Variants in MBD2 observed in about 807,000 individuals in gnomAD.
The protein encoded by MBD2 is methyl-CpG binding domain protein 2.
Under a neutral mutation model 39.3 loss-of-function variants are expected in MBD2, and 9 were observed. That is an observed-to-expected ratio of 0.23 (90% CI 0.14 to 0.40). MBD2 has a LOEUF of 0.40. MBD2 is among the 10% of genes least tolerant of loss of function. The pLI is 1.00. For missense variants in MBD2, 458 were observed against 532.6 expected, an observed-to-expected ratio of 0.86 and a Z score of 1.38; for synonymous variants, 233 against 211.1, an observed-to-expected ratio of 1.10 and a Z score of -0.90.
chr18:54,204,881 T>TG, intron 2 of MBD2, 117 bp downstream of exon 2: 1 of 902,148 alleles, frequency 1.1e-6, no homozygotes, highest in African/African-American at 1.7e-5. Flanking sequence ...GGGCAGGGTA[T>TG]GGGGACATGC....
chr18:54,173,161 G>A (rs949659823), intron 3 of MBD2, among the ~76,000 whole-genome samples: 10 of 152,098 alleles, frequency 6.6e-5, no homozygotes, highest in East Asian at 5.8e-4. Context: ...TTGCTACTAC[G>A]AATATTTTAA....
chr18:54,205,282 T>TA (rs1417822784), intron 1 of MBD2, 125 bp from the exon 2 acceptor site: 5 of 955,070 alleles, frequency 5.2e-6, no homozygotes, highest in African/African-American at 3.3e-5. Flanking sequence ...AAAGAAATGT[T>TA]AAAGTTTTGC....
chr18:54,218,418 AT>A (rs2086580323), intron 1 of MBD2, among the ~76,000 whole-genome samples: 1 of 152,238 alleles, frequency 6.6e-6, no homozygotes, highest in Non-Finnish European at 1.5e-5. Flanking sequence ...AAATAATCAC[AT>A]TATCTCAATG....
chr18:54,176,924 C>T (rs1384992273), intron 3 of MBD2, among the ~76,000 whole-genome samples: 1 of 152,138 alleles, frequency 6.6e-6, no homozygotes, highest in Non-Finnish European at 1.5e-5. Flanking sequence ...AACCAAAGGG[C>T]AAATTTTAGG....
At chr18:54,215,489 A>ATTTTTTTTTTT (rs1322093635) in intron 1 of MBD2, among the ~76,000 whole-genome samples, 1 of 139,302 alleles carries the variant, frequency 7.2e-6, no homozygotes, top group African/African-American at 2.7e-5. Context: ...CTGAGGATAG[A>ATTTTTTTTTTT]TTTTTTTTTT....
intron 1 of MBD2, among the ~76,000 whole-genome samples, chr18:54,216,688 T>C (rs2086564430): frequency 1.3e-5 from 2 of 152,110 alleles, no homozygotes; most frequent in African/African-American, 4.8e-5. Flanking sequence ...AGGACACGCA[T>C]CCTTGCTTAT....
Position 54,166,131 on chromosome 18 carries a change from T to G in MBD2, c.876A>C (p.Ala292=). ...FWEKRLQGLS[A]SDVTEQIIKT... ...TTATAATTTGTTCTGTTACATCTGA[T>G]GCACTAAGTCCTTGTAGCCTCTTCT... Residue 292 remains alanine (A), a synonymous_variant, in exon 4 of 7, where the codon GCA becomes GCC. Coordinates refer to ENST00000256429, the MANE Select transcript of MBD2 (RefSeq NM_003927.5). 1 of 1,613,926 alleles carries G rather than the reference T, an allele frequency of 6.2e-7. No homozygotes were observed. Among genetic ancestry groups the G allele is most frequent in the Non-Finnish European group, 8.5e-7 (1 of 1,179,816 alleles).
At chr18:54,175,621 C>T (rs2086206727) in intron 3 of MBD2, among the ~76,000 whole-genome samples, 1 of 152,208 alleles carries the variant, frequency 6.6e-6, no homozygotes, top group Non-Finnish European at 1.5e-5. Context: ...GCTTCCCCCT[C>T]AAGCCATCTT....
intron 6 of MBD2, 98 bp downstream of exon 6, chr18:54,159,667 C>T: frequency 7.1e-7 from 1 of 1,405,318 alleles, no homozygotes. Context: ...GATCGCCCGC[C>T]TCAGCCACCC....
rs761752766 is a variant in MBD2, at chr18:54,159,882, C to A, written c.1131G>T (p.Gln377His). Residue 377 changes from glutamine to histidine, a missense_variant, in exon 6 of 7, where the codon CAG becomes CAT. Coordinates refer to ENST00000256429, the MANE Select transcript of MBD2 (RefSeq NM_003927.5). ...EDIRKQEERV[Q>H]QVRKKLEEAL... ...CTTCTTCCAATTTCTTGCGTACTTG[C>A]TGTACTCGCTCTTCCTGTTTCCTTT... is the stretch of plus-strand genomic sequence containing the variant. 30 of 1,612,476 alleles carry A rather than the reference C, an allele frequency of 1.9e-5. No homozygotes were observed. In the South Asian group the frequency reaches 3.3e-4, roughly 18 times the overall value.
At chr18:54,188,801 A>G in intron 3 of MBD2, 73 bp downstream of exon 3, 1 of 1,465,522 alleles carries the variant, frequency 6.8e-7, no homozygotes, top group Non-Finnish European at 9.3e-7. Context: ...ACCAGAATTT[A>G]TTTGAATTAT....
intron 3 of MBD2, among the ~76,000 whole-genome samples, chr18:54,183,076 A>G (rs2086261815): frequency 6.6e-6 from 1 of 152,244 alleles, no homozygotes; most frequent in Non-Finnish European, 1.5e-5. Flanking sequence ...AGATAGGAAG[A>G]ATCAAGGATG....
chr18:54,172,440 T>C (rs1171248764), intron 3 of MBD2, among the ~76,000 whole-genome samples: 2 of 152,106 alleles, frequency 1.3e-5, no homozygotes, highest in Non-Finnish European at 2.9e-5. Context: ...TTTCAAAAAA[T>C]GGAAAAAGAA....
chr18:54,207,567 C>T lies in MBD2; in HGVS notation c.543-2410G>A, dbSNP rs117397751. Among the ~76,000 whole-genome samples the T allele has an allele frequency of 6.1e-3, 933 of 152,200 alleles. 5 individuals carry two copies. Among genetic ancestry groups the T allele is most frequent in the Non-Finnish European group, 9.8e-3 (665 of 68,018 alleles). On this transcript the variant is annotated intron_variant, in intron 1 of 6. Coordinates refer to ENST00000256429, the MANE Select transcript of MBD2 (RefSeq NM_003927.5). ...AAAGGATGTAGTTTTCATTTGCAGA[C>T]ACAATGGGATAAATATTATTGTTTA... is the stretch of plus-strand genomic sequence containing the variant.
In MBD2 at chr18:54,224,305, T is replaced by G. The variant is rs1167895397; in HGVS notation, c.255A>C (p.Gly85=). The change falls in exon 1 of 7, where the codon GGA becomes GGC. Residue 85 remains glycine, a synonymous_variant. Transcript: ENST00000256429. ...GGCCCCGGCCCCGGCCCCGTCCCCG[T>G]CCCCGGCCACGGCCCCGGCCCCGGC... ...GRGRGRGRGR[G]RGRGRGRGRG... is the part of the protein sequence containing the mutation. 4.1e-5 allele frequency: 38 copies of G among 932,626 alleles called. No individual in the cohort carries two copies. The highest frequency in any genetic ancestry group is 1.9e-4 in the South Asian group (4 of 20,840). The allele number at this position is 932,626 out of a possible 1,614,324, so 57.8% of individuals were successfully genotyped here.
chr18:54,192,661 TCTCATTGTTA>T (rs2086329769), intron 2 of MBD2, among the ~76,000 whole-genome samples: 1 of 152,224 alleles, frequency 6.6e-6, no homozygotes, highest in Non-Finnish European at 1.5e-5. Flanking sequence ...CCTGTGAGAT[TCTCATTGTTA>T]CCAAGGATGA....
At chr18:54,185,796 C>G (rs1200366720) in intron 3 of MBD2, among the ~76,000 whole-genome samples, 1 of 152,054 alleles carries the variant, frequency 6.6e-6, no homozygotes, top group Non-Finnish European at 1.5e-5. Flanking sequence ...ATGCTATATA[C>G]AAAAATGGCT....
Position 54,205,957 on chromosome 18 carries a change from TACACACACACACAC to T in MBD2, c.543-814_543-801del, listed in dbSNP as rs10558467. Among the ~76,000 whole-genome samples the T allele has an allele frequency of 5.5e-4, 80 of 145,964 alleles. 1 individual carries two copies. The South Asian group carries it at 0.014, about 26-fold the overall frequency. On this transcript the variant is annotated intron_variant, in intron 1 of 6. Transcript: ENST00000256429. The stretch of plus-strand genomic sequence containing the variant: ...GCAACCCTTGTTTAAAACACACACA[TACACACACACACAC>T]ACACACACACACAAATATGTGGAAT...
At chr18:54,160,012 A>C in intron 5 of MBD2, 109 bp from the exon 6 acceptor site, 11 of 1,253,630 alleles carry the variant, frequency 8.8e-6, no homozygotes, top group Non-Finnish European at 9.8e-6. Flanking sequence ...CCTAAGAAGA[A>C]TAGACTTCCT....
Sources: allele counts gnomAD v4.1 joint callset (sites outside exome capture counted in the v4.1 genomes callset), GRCh38; gene constraint gnomAD v4.1.1; transcripts MANE v1.5; gene names NCBI Gene and HGNC (gene_info 2026-07-23, HGNC 2026-07-21).